MYL12B: variants seen among roughly 807,000 people sequenced by gnomAD.
MYL12B encodes the protein myosin regulatory light chain 12B.
A neutral mutation model predicts 12.9 loss-of-function variants in MYL12B; 3 were observed. The observed-to-expected ratio is 0.23, with a 90% CI of 0.11 to 0.60. The LOEUF (loss-of-function observed/expected upper bound fraction) is 0.60, where lower values mean the gene tolerates loss of function less well. Among genes scored for constraint, MYL12B ranks in the 20% least tolerant of loss-of-function variants. The pLI is 0.89. For missense variants in MYL12B, 120 were observed against 215.4 expected (o/e 0.56, Z 2.77); for synonymous variants, 57 against 71.9 (o/e 0.79, Z 1.05).
At chr18:3,268,103 A>G (rs1029499351) in intron 1 of MYL12B, among the ~76,000 whole-genome samples, 1 of 152,222 alleles carries the variant, frequency 6.6e-6, no homozygotes, top group Non-Finnish European at 1.5e-5. Context: ...TGGGTTGGGT[A>G]CTATCCCTGG....
intron 1 of MYL12B, 28 bp from the exon 2 acceptor site, chr18:3,272,856 A>T (rs763741560): frequency 6.6e-7 from 1 of 1,515,752 alleles, no homozygotes. Flanking sequence ...GTTTTGTTTT[A>T]CGTTTTTGTG....
chr18:3,275,166 A>G (rs2081718672), intron 2 of MYL12B, among the ~76,000 whole-genome samples: 1 of 152,204 alleles, frequency 6.6e-6, no homozygotes, highest in Non-Finnish European at 1.5e-5. Flanking sequence ...CATTGCAGCA[A>G]CATGGATGGA....
At position 3,278,195 on chromosome 18, in the gene MYL12B, C is replaced by T. The variant is rs781308483; in HGVS notation, c.*258C>T. The T allele has an allele frequency of 2.2e-5, 7 of 315,598 alleles. No homozygotes were observed. The highest frequency in any genetic ancestry group is 5.6e-5 in the East Asian group (1 of 17,794). 19.5% of individuals were successfully genotyped at this position (315,598 alleles called of 1,614,324 possible). On this transcript the variant is annotated 3_prime_UTR_variant, in exon 4 of 4. Transcript: ENST00000237500. ...ATGTGAAAGCCCAGAAAAATATATT[C>T]GTATTTCTGGTTTTGCTGGATTTTT...
chr18:3,271,973 C>T (rs758590265), intron 1 of MYL12B: 31 of 766,582 alleles, frequency 4.0e-5, no homozygotes, highest in African/African-American at 2.7e-4. Flanking sequence ...GGGAGGATCT[C>T]GAGCCTCAGA....
intron 2 of MYL12B, among the ~76,000 whole-genome samples, chr18:3,274,607 C>T (rs989530441): frequency 6.6e-6 from 1 of 152,108 alleles, no homozygotes; most frequent in East Asian, 1.9e-4. Context: ...CGGCATATGC[C>T]TTATTTGAAC....
chr18:3,264,551 A>G (rs2081622040), intron 1 of MYL12B, among the ~76,000 whole-genome samples: 1 of 151,868 alleles, frequency 6.6e-6, no homozygotes, highest in Non-Finnish European at 1.5e-5. Flanking sequence ...CCTGCCACCC[A>G]CTCCTTGCAA....
Position 3,278,151 on chromosome 18 carries a change from C to A in MYL12B, c.*214C>A, listed in dbSNP as rs368049458. 4.7e-6 allele frequency: 2 copies of A among 421,654 alleles called. No individual in the cohort carries two copies. Among genetic ancestry groups the A allele is most frequent in the South Asian group, 9.0e-5 (1 of 11,084 alleles). The allele number at this position is 421,654 out of a possible 1,614,324, so 26.1% of individuals were successfully genotyped here. On this transcript the variant is annotated 3_prime_UTR_variant, in exon 4 of 4. Transcript: ENST00000237500. ...GGGTGTAAATTGTATTGAAAAAGAT[C>A]GCGAATAAAAATCAACAAATGTGAA...
chr18:3,270,285 T>C (rs151153168), intron 1 of MYL12B, among the ~76,000 whole-genome samples: 2 of 152,330 alleles, frequency 1.3e-5, no homozygotes, highest in East Asian at 3.9e-4. Context: ...ATAGGTACCA[T>C]ATACGTATAC....
At chr18:3,276,873 CA>C (rs1206091334) in intron 2 of MYL12B, 1 of 858,938 alleles carries the variant, frequency 1.2e-6, no homozygotes, top group Non-Finnish European at 1.3e-6. Context: ...CCAGTCTTTA[CA>C]AAAAACAAAA....
In MYL12B at chr18:3,263,929, C is replaced by T. The variant is rs529535397; in HGVS notation, c.-16+1692C>T. Among the ~76,000 whole-genome samples the T allele has an allele frequency of 7.2e-5, 11 of 152,304 alleles. 1 individual carries two copies. Among genetic ancestry groups the T allele is most frequent in the Admixed American group, 6.5e-4 (10 of 15,304 alleles). On this transcript the variant is annotated intron_variant, in intron 1 of 3. Transcript: ENST00000237500. ...CTAGCTGTGTGGCAAGTTGTTTATTCTCTTTACCCTGATTTTCGTATCTGA... is the reference window on the plus strand; with the variant it reads ...CTAGCTGTGTGGCAAGTTGTTTATTTTCTTTACCCTGATTTTCGTATCTGA...
At chr18:3,267,111 C>T (rs2081640466) in intron 1 of MYL12B, among the ~76,000 whole-genome samples, 2 of 152,176 alleles carry the variant, frequency 1.3e-5, no homozygotes, top group Non-Finnish European at 2.9e-5. Context: ...TCACCTGGTG[C>T]GTTTTTGAAA....
chr18:3,278,116 A>G lies in MYL12B; in HGVS notation c.*179A>G. 1 of 625,798 alleles carries G rather than the reference A, an allele frequency of 1.6e-6. No individual in the cohort carries two copies. Among genetic ancestry groups the G allele is most frequent in the South Asian group, 3.0e-5 (1 of 32,874 alleles). The allele number at this position is 625,798 out of a possible 1,614,324, so 38.8% of individuals were successfully genotyped here. A position where few individuals can be genotyped will look rare whatever the true frequency, so the allele number is the denominator to read the frequency against. On this transcript the variant is annotated 3_prime_UTR_variant, in exon 4 of 4. Transcript: ENST00000237500. ...TAGCACTTGTATAATCAGACTGGAA[A>G]TGGGGATGAGGGTGTAAATTGTATT...
At chr18:3,267,851 G>GA (rs1249142440) in intron 1 of MYL12B, among the ~76,000 whole-genome samples, 1 of 152,176 alleles carries the variant, frequency 6.6e-6, no homozygotes, top group Non-Finnish European at 1.5e-5. Flanking sequence ...ATCTGCAGAT[G>GA]CTCAAGTCTC....
At chr18:3,274,509 G>A (rs1178464232) in intron 2 of MYL12B, among the ~76,000 whole-genome samples, 3 of 152,222 alleles carry the variant, frequency 2.0e-5, no homozygotes, top group African/African-American at 4.8e-5. Context: ...GTGCAGCCAC[G>A]TGGTAGAAGA....
At chr18:3,264,942 G>A (rs947441668) in intron 1 of MYL12B, among the ~76,000 whole-genome samples, 3 of 152,102 alleles carry the variant, frequency 2.0e-5, no homozygotes, top group Admixed American at 6.5e-5. Context: ...TTGTACATTT[G>A]ACTATATAAA....
chr18:3,263,915 G>A (rs772170837), intron 1 of MYL12B, among the ~76,000 whole-genome samples: 1 of 152,232 alleles, frequency 6.6e-6, no homozygotes, highest in Non-Finnish European at 1.5e-5. Flanking sequence ...TAGCTGTGTG[G>A]CAAGTTGTTT....
intron 2 of MYL12B, among the ~76,000 whole-genome samples, chr18:3,274,901 G>C (rs2144364147): frequency 6.6e-6 from 1 of 152,276 alleles, no homozygotes; most frequent in East Asian, 1.9e-4. Flanking sequence ...GGACATTATG[G>C]AGGTTCCTCA....
intron 2 of MYL12B, chr18:3,276,919 CAAAA>C (rs10706387): frequency 1.7e-3 from 1,472 of 848,420 alleles, no homozygotes; most frequent in Non-Finnish European, 1.9e-3. Context: ...GCCTATAGTC[CAAAA>C]AAAAAAAAAA....
intron 2 of MYL12B, among the ~76,000 whole-genome samples, chr18:3,275,740 G>A (rs1323368817): frequency 6.6e-6 from 1 of 151,802 alleles, no homozygotes; most frequent in East Asian, 1.9e-4. Context: ...TTGTACCCTA[G>A]CGTTCTCTTC....
Sources: gnomAD v4.1 joint callset for allele counts (sites outside exome capture counted in the v4.1 genomes callset) on GRCh38, gnomAD v4.1.1 for gene constraint, MANE v1.5 for transcripts, NCBI Gene and HGNC (gene_info 2026-07-23, HGNC 2026-07-21) for gene names.